Variants in FAM117B observed in about 807,000 individuals in gnomAD.
FAM117B encodes protein FAM117B.
A neutral mutation model predicts 52.8 loss-of-function variants in FAM117B; 22 were observed. That is an observed-to-expected ratio of 0.42 (90% CI 0.30 to 0.59). The LOEUF is 0.59. Ranked by LOEUF, FAM117B falls within the 20% of genes least tolerant of loss-of-function variation. FAM117B has a pLI of 0.22. For synonymous variants in FAM117B, 309 were observed against 324.1 expected, an observed-to-expected ratio of 0.95 and a Z score of 0.50; for missense variants, 678 against 802.6, an observed-to-expected ratio of 0.84 and a Z score of 1.88.
intron 4 of FAM117B, among the ~76,000 whole-genome samples, chr2:202,743,223 C>A (rs1691576638): frequency 6.6e-6 from 1 of 152,148 alleles, no homozygotes; most frequent in South Asian, 2.1e-4. Context: ...CCCTGCAAAG[C>A]CTTACCACAG....
Position 202,678,759 on chromosome 2 carries a change from C to T in FAM117B, c.602-17122C>T, listed in dbSNP as rs1286387493. Among the ~76,000 whole-genome samples the T allele has an allele frequency of 4.6e-5, 7 of 152,104 alleles. No homozygotes were observed. The East Asian group carries it at 7.7e-4, about 17-fold the overall frequency. ...TTTTAGTAGAGACGGGGTTTCTCCA[C>T]GTTGGCCAGGCTGGTCTTGAACTCC... On this transcript the variant is annotated intron_variant, in intron 1 of 7. Transcript: ENST00000392238.
chr2:202,765,787 G>C lies in FAM117B; in HGVS notation c.*23G>C. 1.2e-6 allele frequency: 2 copies of C among 1,605,174 alleles called. No homozygotes were observed. Among genetic ancestry groups the C allele is most frequent in the Non-Finnish European group, 1.7e-6 (2 of 1,174,544 alleles). On this transcript the variant is annotated 3_prime_UTR_variant, in exon 8 of 8. Coordinates refer to ENST00000392238, the MANE Select transcript of FAM117B (RefSeq NM_173511.4). The stretch of plus-strand genomic sequence containing the variant: ...TAGGTCACAGTGCAACGTGGCTGTT[G>C]TTCTGGGAAATTGGGAACCTCCTCA...
intron 1 of FAM117B, among the ~76,000 whole-genome samples, chr2:202,673,902 AC>A (rs1421734394): frequency 6.6e-6 from 1 of 152,128 alleles, no homozygotes. Context: ...GAACGAGGTT[AC>A]AGTGTCTTCT....
rs182119105 is a variant in FAM117B, at chr2:202,754,424, A to G, written c.961-1114A>G. Among the ~76,000 whole-genome samples the G allele has an allele frequency of 6.6e-5, 10 of 152,254 alleles. No individual in the cohort carries two copies. The East Asian group carries it at 1.9e-3, about 29-fold the overall frequency. On this transcript the variant is annotated intron_variant, in intron 4 of 7. Coordinates refer to ENST00000392238, the MANE Select transcript of FAM117B (RefSeq NM_173511.4). ...AGAGGACTGGTCAATAGGTGCAGCA[A>G]ACCACTATGGCACACGTGTACCTTT...
At chr2:202,662,016 C>A (rs751304323) in intron 1 of FAM117B, among the ~76,000 whole-genome samples, 2 of 151,894 alleles carry the variant, frequency 1.3e-5, no homozygotes, top group African/African-American at 4.8e-5. Context: ...GATACTTGCA[C>A]TCCTGTGTTT....
rs1444278540 is a variant in FAM117B, at chr2:202,693,596, AAAAAC to A, written c.602-2271_602-2267del. Among the ~76,000 whole-genome samples, 60 of 152,352 alleles carry A rather than the reference AAAAAC, an allele frequency of 3.9e-4. No individual in the cohort carries two copies. The East Asian group carries it at 0.01, about 25-fold the overall frequency. On this transcript the variant is annotated intron_variant, in intron 1 of 7. Transcript: ENST00000392238. ...GGGTGACAGAGCGAGACTGTATGTC[AAAAAC>A]AAAACAAAACAAACACTTTTATGCA... is the stretch of plus-strand genomic sequence containing the variant.
chr2:202,744,189 C>G (rs1691594228), intron 4 of FAM117B, among the ~76,000 whole-genome samples: 1 of 152,200 alleles, frequency 6.6e-6, no homozygotes, highest in African/African-American at 2.4e-5. Flanking sequence ...AAAGAATACC[C>G]AAGGCTGGTT....
At chr2:202,672,495 T>C (rs1690313693) in intron 1 of FAM117B, among the ~76,000 whole-genome samples, 1 of 152,244 alleles carries the variant, frequency 6.6e-6, no homozygotes, top group Non-Finnish European at 1.5e-5. Flanking sequence ...ATTACAGGCA[T>C]GAGCCACTGC....
chr2:202,696,283 CT>C lies in FAM117B; in HGVS notation c.753+259del, dbSNP rs981029225. Among the ~76,000 whole-genome samples the C allele has an allele frequency of 1.1e-4, 17 of 152,096 alleles. No individual in the cohort carries two copies. The South Asian group carries it at 1.2e-3, about 11-fold the overall frequency. On this transcript the variant is annotated intron_variant, in intron 2 of 7. Coordinates refer to ENST00000392238, the MANE Select transcript of FAM117B (RefSeq NM_173511.4). Reference sequence around the variant, plus strand: ...TACATACAGATAATTTATGGACATACTTTTTTTTCCCACTTATTCTTTATAA... The same window carrying C: ...TACATACAGATAATTTATGGACATACTTTTTTTCCCACTTATTCTTTATAA...
rs892711697 is a variant in FAM117B, at chr2:202,765,915, C to T, written c.*151C>T. On this transcript the variant is annotated 3_prime_UTR_variant, in exon 8 of 8. Transcript: ENST00000392238. Reference sequence around the variant, plus strand: ...GAGGCTTCTGGAAGAAAGGATCCCCCGTGACGGCTCTGCCCCACTTGTGAA... The same window carrying T: ...GAGGCTTCTGGAAGAAAGGATCCCCTGTGACGGCTCTGCCCCACTTGTGAA... The T allele has an allele frequency of 5.9e-5, 47 of 792,432 alleles. No homozygotes were observed. Among genetic ancestry groups the T allele is most frequent in the Admixed American group, 2.9e-4 (10 of 34,492 alleles). The allele number at this position is 792,432 out of a possible 1,614,324, so 49.1% of individuals were successfully genotyped here. A position where few individuals can be genotyped will look rare whatever the true frequency, so the allele number is the denominator to read the frequency against.
At chr2:202,693,450 A>G (rs1386329513) in intron 1 of FAM117B, among the ~76,000 whole-genome samples, 1 of 152,112 alleles carries the variant, frequency 6.6e-6, no homozygotes, top group East Asian at 1.9e-4. Flanking sequence ...CTCTACTAAA[A>G]ATACAAAAGT....
At chr2:202,731,461 C>G (rs578222767) in intron 4 of FAM117B, among the ~76,000 whole-genome samples, 1 of 150,146 alleles carries the variant, frequency 6.7e-6, no homozygotes, top group East Asian at 2.0e-4. Flanking sequence ...GATGGAGTCT[C>G]TCACTGTCGC....
intron 1 of FAM117B, among the ~76,000 whole-genome samples, chr2:202,670,097 G>A (rs1046362509): frequency 6.6e-6 from 1 of 151,932 alleles, no homozygotes; most frequent in Non-Finnish European, 1.5e-5. Flanking sequence ...TCATTCTCAC[G>A]TACTGTCTAA....
chr2:202,654,906 A>G (rs1018914963), intron 1 of FAM117B, among the ~76,000 whole-genome samples: 4 of 151,980 alleles, frequency 2.6e-5, no homozygotes, highest in Admixed American at 2.0e-4. Context: ...ATAAGTGTCT[A>G]TTTGGGGCTG....
At chr2:202,661,847 C>T (rs939002060) in intron 1 of FAM117B, among the ~76,000 whole-genome samples, 2 of 147,850 alleles carry the variant, frequency 1.4e-5, no homozygotes, top group Admixed American at 6.9e-5. Context: ...ACCCGGGAGG[C>T]GGAGGTTGCA....
Position 202,765,605 on chromosome 2 carries a change from A to C in FAM117B, c.1611A>C (p.Thr537=), listed in dbSNP as rs145478257. 2 of 1,614,154 alleles carry C rather than the reference A, an allele frequency of 1.2e-6. No homozygotes were observed. Among genetic ancestry groups the C allele is most frequent in the African/African-American group, 2.7e-5 (2 of 75,038 alleles). Residue 537 remains threonine, a synonymous_variant, in exon 8 of 8, where the codon ACA becomes ACC. Coordinates refer to ENST00000392238, the MANE Select transcript of FAM117B (RefSeq NM_173511.4). ...LTLKGSGHSL[T]VTTGMTTTLL... Reference sequence around the variant, plus strand: ...TCAAGGGCTCTGGCCACAGCCTGACAGTCACCACTGGCATGACAACCACTC... The same window carrying C: ...TCAAGGGCTCTGGCCACAGCCTGACCGTCACCACTGGCATGACAACCACTC...
intron 2 of FAM117B, among the ~76,000 whole-genome samples, chr2:202,710,944 T>G (rs1690948148): frequency 6.6e-6 from 1 of 152,202 alleles, no homozygotes; most frequent in South Asian, 2.1e-4. Context: ...ACATTTTCTT[T>G]ATTCATTTGT....
rs1431633214 is a variant in FAM117B at position 202,767,260 on chromosome 2, A to G, written c.*1496A>G. The G allele has an allele frequency of 6.7e-6, 1 of 148,562 alleles. No homozygotes were observed. The highest frequency in any genetic ancestry group is 1.5e-5 in the Non-Finnish European group (1 of 67,864). The allele number at this position is 148,562 out of a possible 1,614,324, so 9.2% of individuals were successfully genotyped here. A position where few individuals can be genotyped will look rare whatever the true frequency, so the allele number is the denominator to read the frequency against. On this transcript the variant is annotated 3_prime_UTR_variant, in exon 8 of 8. Transcript: ENST00000392238. ...ACTGCGACCTCTGTCTCCCAGGTTCAAGCAGTTCTCCTGCCTCAGCCTCCC... is the reference window on the plus strand; with the variant it reads ...ACTGCGACCTCTGTCTCCCAGGTTCGAGCAGTTCTCCTGCCTCAGCCTCCC...
At chr2:202,692,501 A>AT (rs1337210533) in intron 1 of FAM117B, among the ~76,000 whole-genome samples, 4 of 152,328 alleles carry the variant, frequency 2.6e-5, no homozygotes, top group African/African-American at 9.6e-5. Flanking sequence ...TTTTTCACAA[A>AT]TTTTTAAAGG....
Sources: allele counts gnomAD v4.1 joint callset (sites outside exome capture counted in the v4.1 genomes callset), GRCh38; gene constraint gnomAD v4.1.1; transcripts MANE v1.5; gene names NCBI Gene and HGNC (gene_info 2026-07-23, HGNC 2026-07-21).